Variants in LRP2 observed in about 807,000 individuals in gnomAD.
The protein encoded by LRP2 is low-density lipoprotein receptor-related protein 2.
Under a neutral mutation model 531.0 loss-of-function variants are expected in LRP2, and 172 were observed. That is an observed-to-expected ratio of 0.32 (90% confidence interval 0.29 to 0.37). The LOEUF is 0.37. LRP2 is among the 10% of genes least tolerant of loss of function. The pLI is 1.00. For missense variants in LRP2, 5,167 were observed against 5,868.3 expected, an observed-to-expected ratio of 0.88 and a Z score of 3.90; for synonymous variants, 1,992 against 2,027.6, an observed-to-expected ratio of 0.98 and a Z score of 0.47.
rs568958746 is a variant in LRP2 at position 169,289,082 on chromosome 2, G to A, written c.986C>T (p.Ala329Val). The stretch of plus-strand genomic sequence containing the variant: ...GATATAACCTGGGGGACAAAAACAC[G>A]CTCCTCCATACGGCGTCTCATGGCA... ...YQCHETPYGG[A>V]CFCPPGYIIN... The change falls in exon 9 of 79, where the codon GCG (alanine) becomes GTG (valine). Residue 329 changes from alanine (A) to valine (V), a missense_variant. Coordinates refer to ENST00000649046, the MANE Select transcript of LRP2 (RefSeq NM_004525.3). The A allele has an allele frequency of 2.9e-5, 47 of 1,614,032 alleles. No individual in the cohort carries two copies. The highest frequency in any genetic ancestry group is 6.7e-5 in the East Asian group (3 of 44,866).
intron 16 of LRP2, among the ~76,000 whole-genome samples, chr2:169,269,980 A>G: frequency 6.6e-6 from 1 of 152,160 alleles, no homozygotes; most frequent in Non-Finnish European, 1.5e-5. Context: ...AAAGACATTT[A>G]TGGAGGCAAC....
At chr2:169,361,328 CT>C (rs1222808341) in intron 1 of LRP2, among the ~76,000 whole-genome samples, 1 of 55,100 alleles carries the variant, frequency 1.8e-5, no homozygotes, top group Non-Finnish European at 3.9e-5. Context: ...CTGTCTCTCT[CT>C]GTCTCTCTCT....
chr2:169,201,030 A>G (rs920763624), intron 44 of LRP2, among the ~76,000 whole-genome samples: 1 of 152,178 alleles, frequency 6.6e-6, no homozygotes, highest in African/African-American at 2.4e-5. Context: ...TATGATCAAA[A>G]CTCTAGGTCT....
At position 169,246,826 on chromosome 2, in the gene LRP2, T is replaced by C. The variant is rs831043; in HGVS notation, c.3069A>G (p.Thr1023=). The C allele has an allele frequency of 0.49, 785,847 of 1,613,722 alleles. 198,654 individuals are homozygous for C. Among genetic ancestry groups the C allele is most frequent in the South Asian group, 0.74 (67,496 of 91,070 alleles). The part of the protein sequence containing the change: ...CEGDPTNEPP[T]EQCGLFSFPC... ...GGAAGGAAAATAAGCCACACTGCTC[T>C]GTGGGTGGTTCATTGGTTGGGTCCC... Residue 1023 remains threonine, a synonymous_variant, in exon 21 of 79, where the codon ACA becomes ACG. Coordinates refer to ENST00000649046, the MANE Select transcript of LRP2 (RefSeq NM_004525.3).
intron 31 of LRP2, 50 bp from the exon 32 acceptor site, chr2:169,226,638 A>G: frequency 1.4e-6 from 2 of 1,411,586 alleles, no homozygotes; most frequent in Non-Finnish European, 2.0e-6. Context: ...CTATTCCCAG[A>G]CATTTAGAGT....
intron 1 of LRP2, among the ~76,000 whole-genome samples, chr2:169,336,963 C>T (rs890872440): frequency 6.6e-6 from 1 of 152,198 alleles, no homozygotes; most frequent in African/African-American, 2.4e-5. Context: ...GGAAAAGCAA[C>T]TTAAACTTAA....
intron 17 of LRP2, 88 bp from the exon 18 acceptor site, chr2:169,257,337 G>C: frequency 7.4e-7 from 1 of 1,354,604 alleles, no homozygotes. Context: ...AGATTCTCCA[G>C]ATACTGCAAT....
At chr2:169,338,374 A>G (rs1685470099) in intron 1 of LRP2, among the ~76,000 whole-genome samples, 1 of 122,218 alleles carries the variant, frequency 8.2e-6, no homozygotes, top group Non-Finnish European at 1.7e-5. Flanking sequence ...GAAAGAAAGA[A>G]AGAAAGAAAG....
intron 1 of LRP2, among the ~76,000 whole-genome samples, chr2:169,358,064 T>C (rs1192507700): frequency 1.3e-5 from 2 of 152,146 alleles, no homozygotes; most frequent in Non-Finnish European, 2.9e-5. Context: ...TATCACAGGA[T>C]TCCTCTTTGG....
chr2:169,316,291 C>G lies in LRP2; in HGVS notation c.310+2471G>C, dbSNP rs558293926. Among the ~76,000 whole-genome samples the G allele has an allele frequency of 2.3e-3, 351 of 152,248 alleles. 1 individual carries two copies. The highest frequency in any genetic ancestry group is 3.1e-3 in the Admixed American group (48 of 15,282). ...AAAAGAGGAAGGAATCAAGAATAAC[C>G]TCCAAGTTTCTAGCGTGGGTGCCTA... On this transcript the variant is annotated intron_variant, in intron 3 of 78. Transcript: ENST00000649046.
At chr2:169,239,951 A>G (rs1689745576) in intron 25 of LRP2, among the ~76,000 whole-genome samples, 176 bp from the exon 26 acceptor site, 1 of 152,150 alleles carries the variant, frequency 6.6e-6, no homozygotes, top group African/African-American at 2.4e-5. Context: ...GGTTTGCTCT[A>G]ATTTGTCTGA....
At position 169,176,578 on chromosome 2, in the gene LRP2, G is replaced by A. The variant is rs1288470427; in HGVS notation, c.10404C>T (p.Pro3468=). The change falls in exon 54 of 79, where the codon CCC becomes CCT. Residue 3468 remains proline, a synonymous_variant. Transcript: ENST00000649046. Reference sequence around the variant, plus strand: ...AACAGCCACCATTGTTGGTACCACAGGGATTGCTCACTAGTGGAAAAGGAA... The same window carrying A: ...AACAGCCACCATTGTTGGTACCACAAGGATTGCTCACTAGTGGAAAAGGAA... ...HPYRQPIVSN[P]CGTNNGGCSH... is the part of the protein sequence containing the mutation. 3.7e-6 allele frequency: 6 copies of A among 1,614,140 alleles called. No homozygotes were observed. The highest frequency in any genetic ancestry group is 4.2e-6 in the Non-Finnish European group (5 of 1,180,000).
chr2:169,155,682 G>GT (rs34806803), intron 65 of LRP2, among the ~76,000 whole-genome samples: 119,366 of 151,682 alleles, frequency 0.79, 47,433 homozygotes, highest in African/African-American at 0.88. Flanking sequence ...TTCTTTCTCT[G>GT]TTTTATTAGG....
chr2:169,146,869 G>A lies in LRP2; in HGVS notation c.12681C>T (p.Asp4227=), dbSNP rs747857269. Reference sequence around the variant, plus strand: ...TAGAAAGGCCAGTTGGCCAACCAAGGTCCTCGAAAACCAGGATGTTGCGGT... The same window carrying A: ...TAGAAAGGCCAGTTGGCCAACCAAGATCCTCGAAAACCAGGATGTTGCGGT... ...GEDRNILVFE[D]LGWPTGLSID... The change falls in exon 69 of 79, where the codon GAC becomes GAT. Residue 4227 remains aspartate, a synonymous_variant. Transcript: ENST00000649046. 3 of 1,614,102 alleles carry A rather than the reference G, an allele frequency of 1.9e-6. No individual in the cohort carries two copies. Among genetic ancestry groups the A allele is most frequent in the Admixed American group, 1.7e-5 (1 of 60,014 alleles).
rs1686963101 is a variant in LRP2, at chr2:169,170,659, C to G, written c.11272G>C (p.Glu3758Gln). The G allele has an allele frequency of 6.2e-7, 1 of 1,613,048 alleles. No individual in the cohort carries two copies. Among genetic ancestry groups the G allele is most frequent in the African/African-American group, 1.3e-5 (1 of 74,878 alleles). The part of the protein sequence containing the change: ...NSDEENCAPR[E>Q]CTESEFRCVN... ...CATCGAAACTCGCTCTCTGTGCACT[C>G]CCGGGGAGCTGGAAAGGAAAGGCAC... The change falls in exon 59 of 79, where the codon GAG becomes CAG. Residue 3758 changes from glutamate to glutamine, a missense_variant. Coordinates refer to ENST00000649046, the MANE Select transcript of LRP2 (RefSeq NM_004525.3).
chr2:169,129,106 A>G lies in LRP2; in HGVS notation c.13729-22T>C, dbSNP rs1574053718. 36 of 1,476,514 alleles carry G rather than the reference A, an allele frequency of 2.4e-5. No homozygotes were observed. The East Asian group carries it at 8.1e-4, about 33-fold the overall frequency. 91.5% of individuals were successfully genotyped at this position (1,476,514 alleles called of 1,614,324 possible). A position where few individuals can be genotyped will look rare whatever the true frequency, so the allele number is the denominator to read the frequency against. On this transcript the variant is annotated intron_variant, in intron 77 of 78. Transcript: ENST00000649046. Reference sequence around the variant, plus strand: ...TCACCTAAATGAAAAGGGGAAAACAAAAACCTCTCAGTAATGGAATTATTT... The same window carrying G: ...TCACCTAAATGAAAAGGGGAAAACAGAAACCTCTCAGTAATGGAATTATTT...
chr2:169,330,899 T>C (rs1252537660), intron 1 of LRP2, among the ~76,000 whole-genome samples: 2 of 151,898 alleles, frequency 1.3e-5, no homozygotes, highest in African/African-American at 2.4e-5. Flanking sequence ...GATAATAAAA[T>C]TTCTTAAACA....
chr2:169,327,574 G>A (rs1227566238), intron 1 of LRP2, among the ~76,000 whole-genome samples: 1 of 129,960 alleles, frequency 7.7e-6, no homozygotes, highest in Non-Finnish European at 1.7e-5. Context: ...CCATCCGGGA[G>A]GTGAGGGGCG....
intron 68 of LRP2, among the ~76,000 whole-genome samples, chr2:169,149,846 A>T (rs72874715): frequency 0.17 from 24,444 of 146,704 alleles, 2,465 homozygotes; most frequent in East Asian, 0.34. Context: ...CAAAAAAATT[A>T]AAAAAAAAAA....
Sources: gnomAD v4.1 joint callset for allele counts (sites outside exome capture counted in the v4.1 genomes callset) on GRCh38, gnomAD v4.1.1 for gene constraint, MANE v1.5 for transcripts, NCBI Gene and HGNC (gene_info 2026-07-23, HGNC 2026-07-21) for gene names.